The following KIT variants were observed in gnomAD, a reference collection of about 807,000 sequenced individuals.
KIT encodes KIT proto-oncogene, receptor tyrosine kinase, also known as mast/stem cell growth factor receptor Kit.
In KIT, 16 loss-of-function variants were observed where a neutral mutation model predicts 105.7. That is an observed-to-expected ratio of 0.15 (90% CI 0.10 to 0.23). The LOEUF (loss-of-function observed/expected upper bound fraction) is 0.23, where lower values mean the gene tolerates loss of function less well. Among genes scored for constraint, KIT ranks in the 10% least tolerant of loss-of-function variants. The pLI is 1.00. For missense variants in KIT, 858 were observed against 1,213.8 expected (o/e 0.71, Z 4.36); for synonymous variants, 438 against 441.1 (o/e 0.99, Z 0.09).
At position 54,739,087 on chromosome 4, in the gene KIT, A is replaced by G. The variant is rs534199544; in HGVS notation, c.*530A>G. 2.7e-5 allele frequency: 11 copies of G among 402,124 alleles called. No individual in the cohort carries two copies. The East Asian group carries it at 3.8e-4, about 14-fold the overall frequency. The allele number at this position is 402,124 out of a possible 1,614,324, so 24.9% of individuals were successfully genotyped here. On this transcript the variant is annotated 3_prime_UTR_variant, in exon 21 of 21. Coordinates refer to ENST00000288135, the MANE Select transcript of KIT (RefSeq NM_000222.3). ...CTGGGAATGAGACATAGGCCATGAAAAAAATGATCCCCAAGTGTGAACAAA... is the reference window on the plus strand; with the variant it reads ...CTGGGAATGAGACATAGGCCATGAAGAAAATGATCCCCAAGTGTGAACAAA...
intron 1 of KIT, among the ~76,000 whole-genome samples, chr4:54,662,177 C>G (rs1717326507): frequency 6.6e-6 from 1 of 152,084 alleles, no homozygotes; most frequent in Admixed American, 6.5e-5. Context: ...CTTAGGCATT[C>G]CCCACTGGGC....
In KIT at chr4:54,703,952, A is replaced by G. The variant is rs991465653; in HGVS notation, c.925+60A>G. ...CAGTAGTGAAAGAAGAAATTATTAG[A>G]CAGTTTCTTTTTTATGTAAATGGAA... On this transcript the variant is annotated intron_variant, in intron 5 of 20. Coordinates refer to ENST00000288135, the MANE Select transcript of KIT (RefSeq NM_000222.3). 13 of 1,310,894 alleles carry G rather than the reference A, an allele frequency of 9.9e-6. No homozygotes were observed. The Admixed American group carries it at 1.2e-4, about 12-fold the overall frequency. 81.2% of individuals were successfully genotyped at this position (1,310,894 alleles called of 1,614,324 possible). A position where few individuals can be genotyped will look rare whatever the true frequency, so the allele number is the denominator to read the frequency against.
At chr4:54,702,344 A>G (rs1720505850) in intron 4 of KIT, among the ~76,000 whole-genome samples, 1 of 152,134 alleles carries the variant, frequency 6.6e-6, no homozygotes, top group Admixed American at 6.5e-5. Flanking sequence ...ATTATTTCAT[A>G]ATGTAATTAA....
At chr4:54,705,047 A>G (rs1720702826) in intron 5 of KIT, among the ~76,000 whole-genome samples, 1 of 152,236 alleles carries the variant, frequency 6.6e-6, no homozygotes, top group African/African-American at 2.4e-5. Flanking sequence ...CATGATTGTG[A>G]ACCATTTATT....
At chr4:54,696,648 A>G (rs1720089947) in intron 2 of KIT, among the ~76,000 whole-genome samples, 3 of 152,250 alleles carry the variant, frequency 2.0e-5, no homozygotes, top group Non-Finnish European at 4.4e-5. Context: ...TCCTCACTAC[A>G]GTATTTGGAT....
rs772208755 is a variant in KIT, at chr4:54,731,312, G to A, written c.2142-16G>A. 1.3e-5 allele frequency: 21 copies of A among 1,592,168 alleles called. No individual in the cohort carries two copies. Among genetic ancestry groups the A allele is most frequent in the Non-Finnish European group, 1.7e-5 (20 of 1,160,368 alleles). On this transcript the variant is annotated splice_polypyrimidine_tract_variant and intron_variant, in intron 14 of 20. Coordinates refer to ENST00000288135, the MANE Select transcript of KIT (RefSeq NM_000222.3). Reference sequence around the variant, plus strand: ...GTCCCACTTGATTCAGTCATGACTTGTTTCATCTCTCCCAGCAGCGATAGT... The same window carrying A: ...GTCCCACTTGATTCAGTCATGACTTATTTCATCTCTCCCAGCAGCGATAGT...
intron 7 of KIT, among the ~76,000 whole-genome samples, chr4:54,710,524 T>G (rs1462967922): frequency 2.6e-5 from 4 of 151,384 alleles, no homozygotes; most frequent in African/African-American, 9.7e-5. Context: ...GAGCTTACTT[T>G]CTGTACGAGG....
chr4:54,691,658 G>T (rs1719720122), intron 1 of KIT, among the ~76,000 whole-genome samples: 1 of 152,160 alleles, frequency 6.6e-6, no homozygotes. Flanking sequence ...TGCCTCTGTT[G>T]TGGTTTTGAG....
intron 16 of KIT, among the ~76,000 whole-genome samples, 176 bp downstream of exon 16, chr4:54,732,174 T>C (rs1722653645): frequency 6.6e-6 from 1 of 151,816 alleles, no homozygotes; most frequent in Admixed American, 6.6e-5. Flanking sequence ...CCAACTGCTG[T>C]CTCTTTGGAA....
At position 54,727,298 on chromosome 4, in the gene KIT, A is replaced by T. The variant is rs3822214; in HGVS notation, c.1621A>T (p.Met541Leu). 1.1e-5 allele frequency: 18 copies of T among 1,614,054 alleles called. No individual in the cohort carries two copies. Among genetic ancestry groups the T allele is most frequent in the Non-Finnish European group, 1.5e-5 (18 of 1,179,942 alleles). Residue 541 changes from methionine (M) to leucine (L), a missense_variant, in exon 10 of 21, where the codon ATG (methionine) becomes TTG (leucine). Around this residue, in one of 7 missense-constraint regions of KIT, gnomAD observed 78 missense variants for 77.6 expected, o/e 1.01. Transcript: ENST00000288135. ...IVAGMMCIIVMILTYKYLQKP... is the reference protein window; with the variant it reads ...IVAGMMCIIVLILTYKYLQKP... ...AGCTGGCATGATGTGCATTATTGTG[A>T]TGATTCTGACCTACAAATATTTACA... is the stretch of plus-strand genomic sequence containing the variant.
At chr4:54,669,009 G>A (rs1050580875) in intron 1 of KIT, among the ~76,000 whole-genome samples, 1 of 152,106 alleles carries the variant, frequency 6.6e-6, no homozygotes, top group Non-Finnish European at 1.5e-5. Context: ...AACACCACAA[G>A]GACTGGTTTT....
At chr4:54,735,047 A>G (rs967143807) in intron 17 of KIT, among the ~76,000 whole-genome samples, 6 of 152,152 alleles carry the variant, frequency 3.9e-5, no homozygotes, top group Admixed American at 3.9e-4. Context: ...TGTAAATATG[A>G]TTTTGAGATA....
intron 2 of KIT, among the ~76,000 whole-genome samples, chr4:54,696,471 T>C (rs757087935): frequency 7.2e-5 from 11 of 152,208 alleles, no homozygotes; most frequent in Non-Finnish European, 1.3e-4. Flanking sequence ...TTAAGGGACA[T>C]ATCCAAGTGA....
At chr4:54,733,598 A>G (rs1047589237) in intron 17 of KIT, among the ~76,000 whole-genome samples, 12 of 152,150 alleles carry the variant, frequency 7.9e-5, no homozygotes, top group Non-Finnish European at 1.6e-4. Context: ...AGTTAGCCAT[A>G]TAGAATGTTG....
chr4:54,727,753 C>G lies in KIT; in HGVS notation c.1775-70C>G, dbSNP rs72549291. ...TTTAATTCCTTTATTGATTTTGAAACTGCACAAATGGTCCTTCAATTCCAC... is the reference window on the plus strand; with the variant it reads ...TTTAATTCCTTTATTGATTTTGAAAGTGCACAAATGGTCCTTCAATTCCAC... On this transcript the variant is annotated intron_variant, in intron 11 of 20. Coordinates refer to ENST00000288135, the MANE Select transcript of KIT (RefSeq NM_000222.3). The G allele has an allele frequency of 0.012, 16,046 of 1,361,348 alleles. 371 individuals carry two copies. The highest frequency in any genetic ancestry group is 0.1 in the Admixed American group (5,960 of 58,260). 84.3% of individuals were successfully genotyped at this position (1,361,348 alleles called of 1,614,324 possible).
At chr4:54,708,279 A>G (rs1326515660) in intron 6 of KIT, among the ~76,000 whole-genome samples, 2 of 152,122 alleles carry the variant, frequency 1.3e-5, no homozygotes, top group Non-Finnish European at 2.9e-5. Context: ...TTGTTTAGGT[A>G]GGAAGTATCT....
At chr4:54,729,671 C>T (rs2109788115) in intron 14 of KIT, among the ~76,000 whole-genome samples, 186 bp downstream of exon 14, 1 of 152,258 alleles carries the variant, frequency 6.6e-6, no homozygotes. Flanking sequence ...AAGATTCAAA[C>T]CTAGATTTTT....
At position 54,738,990 on chromosome 4, in the gene KIT, T is replaced by A; in HGVS notation, c.*433T>A. On this transcript the variant is annotated 3_prime_UTR_variant, in exon 21 of 21. Transcript: ENST00000288135. ...AAGCTGAAAACCTAAGTCCTTTATG[T>A]GGAAAACAGAACATCATTAGAACAA... The A allele has an allele frequency of 2.0e-6, 1 of 498,496 alleles. No homozygotes were observed. Among genetic ancestry groups the A allele is most frequent in the African/African-American group, 1.9e-5 (1 of 52,112 alleles). 30.9% of individuals were successfully genotyped at this position (498,496 alleles called of 1,614,324 possible).
chr4:54,695,832 G>C lies in KIT; in HGVS notation c.337+51G>C, dbSNP rs779941883. On this transcript the variant is annotated intron_variant, in intron 2 of 20. Coordinates refer to ENST00000288135, the MANE Select transcript of KIT (RefSeq NM_000222.3). ...TGTGCTTTCAAGAATTTAATATCCT[G>C]CTCTTAATTTTGGATGACATATGGA... The C allele has an allele frequency of 2.0e-5, 32 of 1,608,680 alleles. No individual in the cohort carries two copies. The African/African-American group carries it at 4.0e-4, about 20-fold the overall frequency.
Sources: gnomAD v4.1 joint callset for allele counts (sites outside exome capture counted in the v4.1 genomes callset) on GRCh38, gnomAD v4.1.1 for gene constraint, gnomAD v4.1.1 regional missense constraint, MANE v1.5 for transcripts, NCBI Gene and HGNC (gene_info 2026-07-23, HGNC 2026-07-21) for gene names.